The following ERO1B variants were observed in gnomAD, a reference collection of about 807,000 sequenced individuals.
The protein encoded by ERO1B is endoplasmic reticulum oxidoreductase 1 beta, also known as ERO1-like protein beta.
ERO1B carries 49 observed loss-of-function variants against 75.3 expected under a neutral mutation model. The observed-to-expected ratio is 0.65, with a 90% CI of 0.52 to 0.83. The LOEUF is 0.83. ERO1B is among the 40% of genes least tolerant of loss of function. The probability of loss-of-function intolerance (pLI) is 0.00; values close to 1 mark genes in which losing one functional copy is unlikely to be tolerated. For missense variants in ERO1B, 512 were observed against 560.1 expected, an observed-to-expected ratio of 0.91 and a Z score of 0.87; for synonymous variants, 191 against 192.9, an observed-to-expected ratio of 0.99 and a Z score of 0.08.
intron 2 of ERO1B, among the ~76,000 whole-genome samples, chr1:236,269,112 G>A (rs1665532375): frequency 1.3e-5 from 2 of 152,046 alleles, no homozygotes; most frequent in South Asian, 4.1e-4. Context: ...GCGGGCGCCT[G>A]TAATCCCAGC....
chr1:236,226,092 T>A (rs12023960), intron 12 of ERO1B, among the ~76,000 whole-genome samples, 177 bp downstream of exon 12: 10,117 of 152,276 alleles, frequency 0.066, 722 homozygotes, highest in East Asian at 0.39. Flanking sequence ...TTATTAATGC[T>A]TTTTCATCAA....
intron 2 of ERO1B, 122 bp downstream of exon 2, chr1:236,269,753 T>G: frequency 1.4e-6 from 1 of 728,220 alleles, no homozygotes; most frequent in East Asian, 2.7e-5. Context: ...CAATACATAA[T>G]AAATTCAGTG....
intron 1 of ERO1B, among the ~76,000 whole-genome samples, chr1:236,270,808 T>C (rs1665571581): frequency 6.6e-6 from 1 of 152,190 alleles, no homozygotes; most frequent in Non-Finnish European, 1.5e-5. Flanking sequence ...TGAAAAAATT[T>C]TAGAAATGGA....
intron 8 of ERO1B, among the ~76,000 whole-genome samples, chr1:236,234,422 C>T (rs1404670677): frequency 6.6e-6 from 1 of 152,218 alleles, no homozygotes; most frequent in East Asian, 1.9e-4. Flanking sequence ...ACCTTTCAAA[C>T]TCTGTACTAT....
intron 9 of ERO1B, among the ~76,000 whole-genome samples, chr1:236,232,085 C>T (rs901134405): frequency 6.6e-6 from 1 of 152,142 alleles, no homozygotes; most frequent in Admixed American, 6.5e-5. Context: ...CAAATGCTAC[C>T]CCTCCTCCAG....
chr1:236,221,773 T>TAATATC, intron 14 of ERO1B, 151 bp downstream of exon 14: 1 of 626,378 alleles, frequency 1.6e-6, no homozygotes, highest in Non-Finnish European at 2.8e-6. Context: ...ACATATACTT[T>TAATATC]AATTTTTTCA....
chr1:236,264,985 A>G (rs1665400023), intron 2 of ERO1B, among the ~76,000 whole-genome samples: 2 of 152,004 alleles, frequency 1.3e-5, no homozygotes, highest in South Asian at 2.1e-4. Context: ...CTGCACTTGT[A>G]CCCCTTAAAT....
intron 5 of ERO1B, among the ~76,000 whole-genome samples, chr1:236,249,427 G>A (rs1664962960): frequency 6.6e-6 from 1 of 152,060 alleles, no homozygotes; most frequent in South Asian, 2.1e-4. Context: ...CACAATTTGA[G>A]GCCATTTATA....
At chr1:236,235,972 T>C (rs530800277) in intron 7 of ERO1B, 137 bp from the exon 8 acceptor site, 3 of 749,164 alleles carry the variant, frequency 4.0e-6, no homozygotes, top group South Asian at 3.8e-5. Context: ...TCACCCAGGC[T>C]GGAGTACAGT....
intron 1 of ERO1B, among the ~76,000 whole-genome samples, chr1:236,277,845 T>C (rs900660907): frequency 1.3e-5 from 2 of 152,240 alleles, no homozygotes; most frequent in African/African-American, 4.8e-5. Context: ...TAAATTTCAG[T>C]TCTAGAACTT....
At chr1:236,223,157 G>A (rs1039302400) in intron 13 of ERO1B, among the ~76,000 whole-genome samples, 32 of 140,192 alleles carry the variant, frequency 2.3e-4, no homozygotes, top group Non-Finnish European at 3.9e-4. Context: ...AGCCAAGATC[G>A]CACCACTGCA....
chr1:236,226,359 A>AAATATGGAGCCAC lies in ERO1B; in HGVS notation c.949_961dup (p.Phe321CysfsTer6), dbSNP rs749459117. On this transcript the variant is annotated frameshift_variant, in exon 12 of 16. Transcript: ENST00000354619. LOFTEE classifies it high-confidence loss of function. The stretch of plus-strand genomic sequence containing the variant: ...GTAAAGATCGACAATTGAGCGCTCA[A>AAATATGGAGCCAC]AATATGGAGCCACCTTTGACAAAGC... The AAATATGGAGCCAC allele has an allele frequency of 1.2e-6, 2 of 1,614,130 alleles. No individual in the cohort carries two copies. The highest frequency in any genetic ancestry group is 2.2e-5 in the South Asian group (2 of 91,074).
chr1:236,251,020 A>C (rs1043383211), intron 4 of ERO1B, among the ~76,000 whole-genome samples: 1 of 152,130 alleles, frequency 6.6e-6, no homozygotes, highest in Admixed American at 6.5e-5. Flanking sequence ...GGAACAACTG[A>C]AATGTCCATC....
intron 1 of ERO1B, among the ~76,000 whole-genome samples, chr1:236,273,981 T>G (rs1665657381): frequency 9.2e-5 from 1 of 10,874 alleles, no homozygotes; most frequent in Admixed American, 6.4e-4. Context: ...CCATATCCTA[T>G]TTTTTTTTTT....
chr1:236,217,368 CACAGAAAGTCCTCTGTTGGTATG>C lies in ERO1B; in HGVS notation c.*1125_*1147del, dbSNP rs1664017568. 2 of 44,274 alleles carry C rather than the reference CACAGAAAGTCCTCTGTTGGTATG, an allele frequency of 4.5e-5. No individual in the cohort carries two copies. Among genetic ancestry groups the C allele is most frequent in the Admixed American group, 3.1e-4 (1 of 3,226 alleles). The allele number at this position is 44,274 out of a possible 1,614,324, so 2.7% of individuals were successfully genotyped here. On this transcript the variant is annotated 3_prime_UTR_variant, in exon 16 of 16. Coordinates refer to ENST00000354619, the MANE Select transcript of ERO1B (RefSeq NM_019891.4). ...ACAGTTTAGGACTGTTGGTATGAAT[CACAGAAAGTCCTCTGTTGGTATG>C]AATCACAGAAAGTACCGTTTATATA...
chr1:236,269,833 T>C (rs1002078949), intron 2 of ERO1B, 42 bp downstream of exon 2: 2 of 1,394,214 alleles, frequency 1.4e-6, no homozygotes, highest in Admixed American at 4.2e-5. Context: ...AGGTCACATA[T>C]AATACCTTTG....
chr1:236,243,119 C>T (rs1664752585), intron 6 of ERO1B, among the ~76,000 whole-genome samples: 1 of 152,166 alleles, frequency 6.6e-6, no homozygotes, highest in Non-Finnish European at 1.5e-5. Flanking sequence ...TCAAATCCTG[C>T]CTCAGCCTCT....
intron 2 of ERO1B, among the ~76,000 whole-genome samples, chr1:236,262,841 C>A (rs1665323360): frequency 6.6e-6 from 1 of 152,134 alleles, no homozygotes; most frequent in Admixed American, 6.6e-5. Flanking sequence ...GATGTAATTA[C>A]CTCAGTTGTG....
intron 2 of ERO1B, among the ~76,000 whole-genome samples, chr1:236,256,347 G>A (rs1425569771): frequency 6.6e-6 from 1 of 152,074 alleles, no homozygotes; most frequent in African/African-American, 2.4e-5. Flanking sequence ...CCTGCAAGGT[G>A]CATGTGAGAC....
Sources: gnomAD v4.1 joint callset for allele counts (sites outside exome capture counted in the v4.1 genomes callset) on GRCh38, gnomAD v4.1.1 for gene constraint, MANE v1.5 for transcripts, NCBI Gene and HGNC (gene_info 2026-07-23, HGNC 2026-07-21) for gene names.